Variants in PATJ observed in about 807,000 individuals in gnomAD.
PATJ encodes the protein inaD-like protein.
Under a neutral mutation model 224.9 loss-of-function variants are expected in PATJ, and 190 were observed. The ratio of observed to expected loss-of-function variants is 0.84; its 90% confidence interval spans 0.75 to 0.95. The LOEUF is 0.95. Ranked by LOEUF, PATJ falls within the 40% of genes least tolerant of loss-of-function variation. The pLI, the probability that PATJ is intolerant of heterozygous loss-of-function variation, is 0.00. For synonymous variants in PATJ, 769 were observed against 820.3 expected, an observed-to-expected ratio of 0.94 and a Z score of 1.07; for missense variants, 2,121 against 2,270.3, an observed-to-expected ratio of 0.93 and a Z score of 1.34.
At chr1:62,120,523 A>G (rs1664921645) in intron 37 of PATJ, among the ~76,000 whole-genome samples, 1 of 152,322 alleles carries the variant, frequency 6.6e-6, no homozygotes, top group East Asian at 1.9e-4. Context: ...TTGAACAGCC[A>G]CTAGCCTTAA....
intron 27 of PATJ, among the ~76,000 whole-genome samples, chr1:61,989,720 G>C (rs1644956514): frequency 6.6e-6 from 1 of 152,134 alleles, no homozygotes; most frequent in African/African-American, 2.4e-5. Context: ...ATTGACTTAG[G>C]TAAGAAAAGA....
chr1:61,861,489 C>A, intron 18 of PATJ, 62 bp from the exon 19 acceptor site: 5 of 737,898 alleles, frequency 6.8e-6, no homozygotes, highest in Non-Finnish European at 6.9e-6. Context: ...TGCTCTCCCT[C>A]CCCTTGCTCC....
chr1:62,113,188 C>T (rs765821072), intron 34 of PATJ, among the ~76,000 whole-genome samples: 1 of 152,168 alleles, frequency 6.6e-6, no homozygotes, highest in African/African-American at 2.4e-5. Context: ...GTGCTCTTTT[C>T]GGTACACTGC....
chr1:61,890,406 C>G (rs1355421294), intron 22 of PATJ, among the ~76,000 whole-genome samples: 1 of 152,138 alleles, frequency 6.6e-6, no homozygotes, highest in South Asian at 2.1e-4. Flanking sequence ...TTGAGCCCAG[C>G]AGTTCGAGGT....
intron 21 of PATJ, among the ~76,000 whole-genome samples, chr1:61,878,322 C>T (rs1183808133): frequency 1.3e-5 from 2 of 152,022 alleles, no homozygotes; most frequent in Non-Finnish European, 2.9e-5. Context: ...AATGGAGGCC[C>T]TCAAGGATGG....
At chr1:61,930,972 G>A (rs1408094688) in intron 27 of PATJ, among the ~76,000 whole-genome samples, 1 of 152,122 alleles carries the variant, frequency 6.6e-6, no homozygotes, top group Non-Finnish European at 1.5e-5. Context: ...CAAAGTGCTG[G>A]GATTATGGGC....
intron 3 of PATJ, among the ~76,000 whole-genome samples, chr1:61,765,613 A>T (rs898845845): frequency 1.3e-5 from 2 of 152,032 alleles, no homozygotes; most frequent in Non-Finnish European, 2.9e-5. Context: ...TGTTACCTTT[A>T]TTCTACTGTT....
intron 29 of PATJ, among the ~76,000 whole-genome samples, chr1:62,021,098 G>C (rs183279547): frequency 1.3e-5 from 2 of 152,230 alleles, no homozygotes; most frequent in South Asian, 4.1e-4. Flanking sequence ...AAAGTGCTGG[G>C]ATCACAGACG....
At chr1:62,017,413 C>CAA (rs58031818) in intron 28 of PATJ, among the ~76,000 whole-genome samples, 3,441 of 134,468 alleles carry the variant, frequency 0.026, 90 homozygotes, top group African/African-American at 0.06. Context: ...GACTCCGCCT[C>CAA]AAAAAAAAAA....
intron 21 of PATJ, among the ~76,000 whole-genome samples, chr1:61,878,839 A>G (rs1413740902): frequency 6.6e-6 from 1 of 151,060 alleles, no homozygotes; most frequent in African/African-American, 2.4e-5. Flanking sequence ...GCTGGAGTGC[A>G]GTGGCACAAT....
At chr1:61,937,744 G>C (rs1331367598) in intron 27 of PATJ, among the ~76,000 whole-genome samples, 1 of 149,244 alleles carries the variant, frequency 6.7e-6, no homozygotes, top group Non-Finnish European at 1.5e-5. Flanking sequence ...TCCGCCTCCT[G>C]AATTCAAGTG....
chr1:62,054,950 G>A (rs1331778185), intron 31 of PATJ, among the ~76,000 whole-genome samples: 1 of 152,082 alleles, frequency 6.6e-6, no homozygotes, highest in Non-Finnish European at 1.5e-5. Context: ...AGCTACTTGG[G>A]AGGCTGAGGC....
rs374175697 is a variant in PATJ at position 61,997,982 on chromosome 1, T to TTTTATA, written c.3867+7619_3867+7620insTTATAT. On this transcript the variant is annotated intron_variant, in intron 28 of 43. Coordinates refer to ENST00000642238, the MANE Select transcript of PATJ (RefSeq NM_001350145.3). ...ATAGGTGCATGCCACTGTGCCCAGC[T>TTTTATA]TATATATGTATATATAATATATTAT... 3.6e-4 allele frequency among the ~76,000 whole-genome samples: 43 copies of TTTTATA among 118,290 alleles called. 1 individual carries two copies. The highest frequency in any genetic ancestry group is 1.7e-3 in the South Asian group (7 of 4,088). The allele number at this position is 118,290 out of a possible 152,430, so 77.6% of individuals were successfully genotyped here. A position where few individuals can be genotyped will look rare whatever the true frequency, so the allele number is the denominator to read the frequency against.
intron 1 of PATJ, among the ~76,000 whole-genome samples, chr1:61,754,058 C>CA (rs1180644287): frequency 1.1e-4 from 17 of 152,268 alleles, no homozygotes; most frequent in African/African-American, 4.1e-4. Flanking sequence ...CTCTCTTGAT[C>CA]AATGATGGAG....
chr1:62,078,191 C>A (rs1269367161), intron 31 of PATJ, among the ~76,000 whole-genome samples: 1 of 152,170 alleles, frequency 6.6e-6, no homozygotes, highest in South Asian at 2.1e-4. Context: ...AACTGCAGAT[C>A]CAGAAGGCAG....
chr1:61,909,207 T>A (rs1672267421), intron 25 of PATJ, among the ~76,000 whole-genome samples: 3 of 152,212 alleles, frequency 2.0e-5, no homozygotes. Context: ...CTCAAACTCC[T>A]GACCTCAAGT....
chr1:61,885,340 C>T (rs1668663355), intron 22 of PATJ, among the ~76,000 whole-genome samples: 1 of 152,236 alleles, frequency 6.6e-6, no homozygotes, highest in East Asian at 1.9e-4. Context: ...AAGAAAAACA[C>T]AAACAACCCC....
intron 22 of PATJ, among the ~76,000 whole-genome samples, chr1:61,897,838 A>G (rs2498998): frequency 0.29 from 36,249 of 125,366 alleles, 4,991 homozygotes; most frequent in African/African-American, 0.42. Context: ...GTAACCAGCA[A>G]GGGTCTGCCA....
At chr1:62,101,678 TTTAA>T (rs1223349323) in intron 33 of PATJ, among the ~76,000 whole-genome samples, 1 of 152,234 alleles carries the variant, frequency 6.6e-6, no homozygotes, top group Non-Finnish European at 1.5e-5. Context: ...GTTTTAAGTG[TTTAA>T]TTGTGGAATA....
Sources: gnomAD v4.1 joint callset for allele counts (sites outside exome capture counted in the v4.1 genomes callset) on GRCh38, gnomAD v4.1.1 for gene constraint, MANE v1.5 for transcripts, NCBI Gene and HGNC (gene_info 2026-07-23, HGNC 2026-07-21) for gene names.